The following NLGN4X variants were observed in gnomAD, a reference collection of about 807,000 sequenced individuals.
NLGN4X encodes the protein neuroligin-4, X-linked.
A neutral mutation model predicts 40.3 loss-of-function variants in NLGN4X; 3 were observed. The ratio of observed to expected loss-of-function variants is 0.07; its 90% CI spans 0.03 to 0.19. The LOEUF is 0.19. NLGN4X is among the 10% of genes least tolerant of loss of function. NLGN4X has a pLI of 1.00. For missense variants in NLGN4X, 382 were observed against 708.3 expected (o/e 0.54, Z 5.23); for synonymous variants, 270 against 306.8 (o/e 0.88, Z 1.25).
chrX:6,122,794 AG>A (rs2039454304), intron 2 of NLGN4X, among the ~76,000 whole-genome samples: 1 of 107,114 alleles, frequency 9.3e-6, no homozygotes, highest in African/African-American at 3.4e-5. Flanking sequence ...AGGGTTTCAA[AG>A]GAAGTCACAC....
chrX:5,901,776 G>T (rs1436971665), intron 5 of NLGN4X, among the ~76,000 whole-genome samples: 1 of 105,375 alleles, frequency 9.5e-6, no homozygotes, highest in Non-Finnish European at 1.9e-5. Context: ...AAACGTATTT[G>T]TGTATATATA....
chrX:6,224,158 T>C (rs1338872996), intron 1 of NLGN4X, among the ~76,000 whole-genome samples: 3 of 112,855 alleles, frequency 2.7e-5, no homozygotes, highest in Middle Eastern at 4.2e-3. Context: ...CTTAAAATAT[T>C]TGTATATTGC....
intron 3 of NLGN4X, among the ~76,000 whole-genome samples, chrX:5,988,983 G>A (rs1416363734): frequency 2.7e-5 from 3 of 110,048 alleles, no homozygotes; most frequent in African/African-American, 6.6e-5. Context: ...CAGGAGAATC[G>A]CTTGAACCTG....
At chrX:5,916,369 T>C (rs965309650) in intron 3 of NLGN4X, among the ~76,000 whole-genome samples, 2 of 112,276 alleles carry the variant, frequency 1.8e-5, no homozygotes, top group African/African-American at 3.2e-5. Flanking sequence ...TTTACACTCA[T>C]GGACACAGAA....
At chrX:6,219,945 A>G (rs893632931) in intron 1 of NLGN4X, among the ~76,000 whole-genome samples, 3 of 111,585 alleles carry the variant, frequency 2.7e-5, no homozygotes, top group Non-Finnish European at 3.8e-5. Context: ...AGTAAATTCT[A>G]TGAATAAATG....
rs1038152511 is a variant in NLGN4X at position 6,168,568 on chromosome X, C to T, written c.-305-16797G>A. Among the ~76,000 whole-genome samples, 4 of 111,721 alleles carry T rather than the reference C, an allele frequency of 3.6e-5. No homozygotes were observed. The Admixed American group carries it at 3.8e-4, about 11-fold the overall frequency. On this transcript the variant is annotated intron_variant, in intron 1 of 5. Transcript: ENST00000381095. ...CACTGCATCCTGGAATTCCTAGGCT[C>T]TAGAAGTCCTCCTGCTGGTCTCAGC...
chrX:6,223,817 A>T (rs947735785), intron 1 of NLGN4X, among the ~76,000 whole-genome samples: 4 of 112,968 alleles, frequency 3.5e-5, no homozygotes, highest in Non-Finnish European at 7.5e-5. Context: ...TTAAGAAATC[A>T]GTGGTGGCTA....
intron 2 of NLGN4X, among the ~76,000 whole-genome samples, chrX:6,050,728 C>G (rs1472144908): frequency 9.0e-6 from 1 of 111,349 alleles, no homozygotes; most frequent in African/African-American, 3.3e-5. Context: ...ATCTACCTTT[C>G]TATCTATCCA....
At chrX:6,144,788 A>T (rs2147675105) in intron 2 of NLGN4X, among the ~76,000 whole-genome samples, 1 of 111,294 alleles carries the variant, frequency 9.0e-6, no homozygotes, top group Non-Finnish European at 1.9e-5. Context: ...TGATTAGCAA[A>T]CCTAATTCAA....
At chrX:6,064,374 T>G (rs976599443) in intron 2 of NLGN4X, among the ~76,000 whole-genome samples, 2 of 111,797 alleles carry the variant, frequency 1.8e-5, no homozygotes, top group Non-Finnish European at 3.8e-5. Context: ...CTCAAAAACA[T>G]GTCAAACTCT....
Position 6,116,242 on chromosome X carries a change from A to G in NLGN4X, c.472+34753T>C, listed in dbSNP as rs1209548601. On this transcript the variant is annotated intron_variant, in intron 2 of 5. Coordinates refer to ENST00000381095, the MANE Select transcript of NLGN4X (RefSeq NM_181332.3). Reference sequence around the variant, plus strand: ...CGGGAGGCAGAGTTTGCAGTGAGCCAAGATTGTGCCACTGCACTCCAGCCT... The same window carrying G: ...CGGGAGGCAGAGTTTGCAGTGAGCCGAGATTGTGCCACTGCACTCCAGCCT... Among the ~76,000 whole-genome samples the G allele has an allele frequency of 1.4e-4, 11 of 78,896 alleles. No homozygotes were observed. In the East Asian group the frequency reaches 3.3e-3, roughly 23 times the overall value. 68.5% of individuals were successfully genotyped at this position (78,896 alleles called of 115,157 possible).
At chrX:5,931,938 T>G (rs1242360260) in intron 3 of NLGN4X, among the ~76,000 whole-genome samples, 1 of 111,531 alleles carries the variant, frequency 9.0e-6, no homozygotes, top group Admixed American at 9.6e-5. Context: ...TCTTGTCTCT[T>G]ATAAAGAATG....
chrX:6,081,950 C>G (rs10522048), intron 2 of NLGN4X, among the ~76,000 whole-genome samples: 23,264 of 111,517 alleles, frequency 0.21, 1,844 homozygotes, highest in Admixed American at 0.26. Flanking sequence ...CATGGGAACC[C>G]TACATTTCTT....
At chrX:5,943,488 T>A (rs912102869) in intron 3 of NLGN4X, among the ~76,000 whole-genome samples, 1 of 112,119 alleles carries the variant, frequency 8.9e-6, no homozygotes, top group Admixed American at 9.5e-5. Flanking sequence ...ACAGGTTGGA[T>A]AATTTGTTAC....
At chrX:6,048,354 T>G (rs1252464251) in intron 2 of NLGN4X, among the ~76,000 whole-genome samples, 2 of 111,340 alleles carry the variant, frequency 1.8e-5, no homozygotes, top group African/African-American at 6.5e-5. Context: ...GAAATCAAGC[T>G]CAGGGCAACT....
intron 1 of NLGN4X, among the ~76,000 whole-genome samples, chrX:6,180,628 C>T (rs1395092910): frequency 1.8e-5 from 2 of 111,256 alleles, no homozygotes; most frequent in African/African-American, 6.5e-5. Flanking sequence ...ATTCAACGTT[C>T]GAGTGTAATG....
Position 6,185,259 on chromosome X carries a change from T to A in NLGN4X, c.-305-33488A>T, listed in dbSNP as rs1921899782. ...CACATGGATCATGTTACCTTCTACC[T>A]TTAGTCCTAACTGCTATTTCCCCAT... On this transcript the variant is annotated intron_variant, in intron 1 of 5. Coordinates refer to ENST00000381095, the MANE Select transcript of NLGN4X (RefSeq NM_181332.3). Among the ~76,000 whole-genome samples, 4 of 112,129 alleles carry A rather than the reference T, an allele frequency of 3.6e-5. No homozygotes were observed. In the Admixed American group the frequency reaches 3.8e-4, roughly 11 times the overall value.
At chrX:5,952,330 T>A (rs187269449) in intron 3 of NLGN4X, among the ~76,000 whole-genome samples, 2 of 111,863 alleles carry the variant, frequency 1.8e-5, no homozygotes, top group Admixed American at 1.9e-4. Flanking sequence ...AGAATGTGGA[T>A]GTGATGTTAG....
rs1418453707 is a variant in NLGN4X at position 6,228,703 on chromosome X, C to A, written c.-468G>T. 1.8e-5 allele frequency: 2 copies of A among 111,517 alleles called. No homozygotes were observed. The highest frequency in any genetic ancestry group is 6.5e-5 in the African/African-American group (2 of 30,582). 9.2% of individuals were successfully genotyped at this position (111,517 alleles called of 1,213,427 possible). A position where few individuals can be genotyped will look rare whatever the true frequency, so the allele number is the denominator to read the frequency against. ...CTAGATTTCCTCATCCAGAGGAATG[C>A]AAGAGCCACCAACACCGCCTAGTTT... On this transcript the variant is annotated 5_prime_UTR_variant, in exon 1 of 6. Transcript: ENST00000381095.
Sources: gnomAD v4.1 joint callset for allele counts (sites outside exome capture counted in the v4.1 genomes callset) on GRCh38, gnomAD v4.1.1 for gene constraint, MANE v1.5 for transcripts, NCBI Gene and HGNC (gene_info 2026-07-23, HGNC 2026-07-21) for gene names.